FER1L6: variants seen among roughly 807,000 people sequenced by gnomAD.
The protein encoded by FER1L6 is fer-1-like protein 6.
A neutral mutation model predicts 219.2 loss-of-function variants in FER1L6; 177 were observed. The ratio of observed to expected loss-of-function variants is 0.81; its 90% CI spans 0.71 to 0.91. The LOEUF (loss-of-function observed/expected upper bound fraction) is 0.91. Among genes scored for constraint, FER1L6 ranks in the 40% least tolerant of loss-of-function variants. The probability of loss-of-function intolerance (pLI) is 0.00; values close to 1 mark genes in which losing one functional copy is unlikely to be tolerated. For synonymous variants in FER1L6, 768 were observed against 824.3 expected, an observed-to-expected ratio of 0.93 and a Z score of 1.17; for missense variants, 2,153 against 2,259.9, an observed-to-expected ratio of 0.95 and a Z score of 0.96.
intron 1 of FER1L6, among the ~76,000 whole-genome samples, chr8:123,898,786 T>C (rs930993458): frequency 5.6e-5 from 8 of 142,260 alleles, no homozygotes; most frequent in Non-Finnish European, 1.1e-4. Flanking sequence ...TATACGTATG[T>C]ACATATATAC....
At chr8:124,048,468 T>G (rs182452375) in intron 21 of FER1L6, among the ~76,000 whole-genome samples, 6 of 152,304 alleles carry the variant, frequency 3.9e-5, no homozygotes, top group East Asian at 3.9e-4. Flanking sequence ...TCTGGGGGAA[T>G]GTGCACACAG....
At chr8:123,926,922 A>C (rs960173388) in intron 1 of FER1L6, among the ~76,000 whole-genome samples, 1 of 152,166 alleles carries the variant, frequency 6.6e-6, no homozygotes, top group Admixed American at 6.5e-5. Flanking sequence ...AAAGATTATA[A>C]ATTTTGTAAC....
At chr8:123,980,313 T>C in intron 10 of FER1L6, 152 bp from the exon 11 acceptor site, 1 of 661,572 alleles carries the variant, frequency 1.5e-6, no homozygotes, top group Non-Finnish European at 2.6e-6. Context: ...GAAGGAAATA[T>C]GGCAAGATGG....
At chr8:124,040,069 T>C (rs1819415162) in intron 20 of FER1L6, 63 bp downstream of exon 20, 5 of 1,604,672 alleles carry the variant, frequency 3.1e-6, no homozygotes, top group Non-Finnish European at 3.4e-6. Flanking sequence ...CCACAGAAGA[T>C]CCCAGGAAAG....
At chr8:124,030,689 C>T (rs959763763) in intron 18 of FER1L6, among the ~76,000 whole-genome samples, 1 of 152,152 alleles carries the variant, frequency 6.6e-6, no homozygotes, top group African/African-American at 2.4e-5. Flanking sequence ...TCTCCAGGTT[C>T]CAGCTTTCCA....
At chr8:123,883,086 C>T (rs187696251) in intron 1 of FER1L6, among the ~76,000 whole-genome samples, 3 of 152,000 alleles carry the variant, frequency 2.0e-5, no homozygotes, top group East Asian at 1.9e-4. Context: ...ACCACTACAA[C>T]AAAAAAACCC....
rs541571537 is a variant in FER1L6 at position 123,852,327 on chromosome 8, C to G, written c.-8+142C>G. ...GAAGCAGTCCAATGTAATCAACCTG[C>G]CTCCAGGTAGCTGGCTGGTCACCCC... On this transcript the variant is annotated intron_variant, in intron 1 of 40. Transcript: ENST00000522917. This position sits in a 1 kb window ranked among gnomAD's most constrained non-coding sequence, Gnocchi z 4.9. 1.3e-5 allele frequency: 2 copies of G among 152,290 alleles called. No individual in the cohort carries two copies. The highest frequency in any genetic ancestry group is 4.8e-5 in the African/African-American group (2 of 41,454). 9.4% of individuals were successfully genotyped at this position (152,290 alleles called of 1,614,324 possible).
At chr8:124,106,722 AC>A (rs1822791603) in intron 39 of FER1L6, among the ~76,000 whole-genome samples, 1 of 152,016 alleles carries the variant, frequency 6.6e-6, no homozygotes, top group African/African-American at 2.4e-5. Context: ...CTACTTCCCT[AC>A]ATGTATCTCT....
At chr8:123,932,358 C>T (rs1360375829) in intron 1 of FER1L6, among the ~76,000 whole-genome samples, 1 of 152,188 alleles carries the variant, frequency 6.6e-6, no homozygotes, top group African/African-American at 2.4e-5. Flanking sequence ...ATCCACCTGA[C>T]TCAGCCTCCC....
At position 124,013,531 on chromosome 8, in the gene FER1L6, G is replaced by C. The variant is rs1394013693; in HGVS notation, c.1922G>C (p.Ser641Thr). 6.3e-7 allele frequency: 1 copy of C among 1,588,238 alleles called. No homozygotes were observed. The highest frequency in any genetic ancestry group is 2.3e-5 in the East Asian group (1 of 44,210). ...TVLSDFISRSSAFISEAEKKP... is the reference protein window; with the variant it reads ...TVLSDFISRSTAFISEAEKKP... ...CTCAGTGACTTCATCAGTCGGAGCA[G>C]GTACCGGGAGAGACAGCCGGCATAG... Residue 641 changes from serine to threonine, a missense_variant and splice_region_variant, in exon 15 of 41, where the codon AGT (serine) becomes ACT (threonine). Physicochemically the swap from Ser to Thr is moderately conservative, Grantham distance 58. Transcript: ENST00000522917.
chr8:124,045,858 C>A lies in FER1L6; in HGVS notation c.2681C>A (p.Ser894Tyr), dbSNP rs1339073954. The change falls in exon 21 of 41, where the codon TCC becomes TAC. Residue 894 changes from serine (S) to tyrosine (Y), a missense_variant. By Grantham distance (144) the Ser-to-Tyr change is moderately radical. Transcript: ENST00000522917. ...LHGDVKELAESPPLVVVELYD... is the reference protein window; with the variant it reads ...LHGDVKELAEYPPLVVVELYD... Reference sequence around the variant, plus strand: ...GGAGATGTGAAGGAGCTGGCAGAGTCCCCGCCCTTAGTGGTGGTGGAGCTG... The same window carrying A: ...GGAGATGTGAAGGAGCTGGCAGAGTACCCGCCCTTAGTGGTGGTGGAGCTG... The A allele has an allele frequency of 6.2e-6, 10 of 1,613,880 alleles. No individual in the cohort carries two copies. Among genetic ancestry groups the A allele is most frequent in the Non-Finnish European group, 7.6e-6 (9 of 1,179,988 alleles).
chr8:123,971,847 C>A (rs961739298), intron 6 of FER1L6, among the ~76,000 whole-genome samples: 1 of 152,188 alleles, frequency 6.6e-6, no homozygotes, highest in South Asian at 2.1e-4. Context: ...GCATGCAGGG[C>A]TCCCAGTACT....
chr8:124,058,195 G>A (rs1227124161), intron 22 of FER1L6, among the ~76,000 whole-genome samples: 1 of 152,148 alleles, frequency 6.6e-6, no homozygotes, highest in Non-Finnish European at 1.5e-5. Context: ...GGCAGGGCTG[G>A]GACTAGGGTC....
intron 20 of FER1L6, 81 bp from the exon 21 acceptor site, chr8:124,045,686 A>G (rs962158878): frequency 6.9e-6 from 10 of 1,440,264 alleles, no homozygotes; most frequent in South Asian, 1.2e-5. Context: ...TTTCCCCTGT[A>G]TAAGTATTTG....
intron 1 of FER1L6, among the ~76,000 whole-genome samples, chr8:123,900,871 T>C (rs570676860): frequency 6.6e-6 from 1 of 152,344 alleles, no homozygotes; most frequent in East Asian, 1.9e-4. Flanking sequence ...CATGGTGGAT[T>C]ATCTTTTTGA....
intron 1 of FER1L6, among the ~76,000 whole-genome samples, chr8:123,892,594 GAGAC>G (rs1812669088): frequency 6.6e-6 from 1 of 152,176 alleles, no homozygotes; most frequent in Admixed American, 6.6e-5. Context: ...CCTGGCCAGA[GAGAC>G]AGATTTAGTT....
At chr8:124,050,837 C>T (rs959325764) in intron 22 of FER1L6, among the ~76,000 whole-genome samples, 34 of 152,056 alleles carry the variant, frequency 2.2e-4, no homozygotes, top group Middle Eastern at 3.4e-3. Flanking sequence ...CTCATTACTT[C>T]CTAAAGACCC....
At chr8:123,956,821 T>C (rs1193512158) in intron 2 of FER1L6, among the ~76,000 whole-genome samples, 1 of 152,142 alleles carries the variant, frequency 6.6e-6, no homozygotes, top group Non-Finnish European at 1.5e-5. Flanking sequence ...AGCGTTGGGA[T>C]GTAAATCCAG....
intron 1 of FER1L6, among the ~76,000 whole-genome samples, chr8:123,856,316 G>GTGTA (rs71576706): frequency 0.015 from 686 of 45,090 alleles, 107 homozygotes; most frequent in African/African-American, 0.041. Context: ...ATATGTATGT[G>GTGTA]TATATATATA....
Sources: gnomAD v4.1 joint callset for allele counts (sites outside exome capture counted in the v4.1 genomes callset) on GRCh38, gnomAD v4.1.1 for gene constraint, Gnocchi (gnomAD v3.1) non-coding constraint, MANE v1.5 for transcripts, NCBI Gene and HGNC (gene_info 2026-07-23, HGNC 2026-07-21) for gene names.